Variants in ZNF716 observed in about 807,000 individuals in gnomAD.
ZNF716 encodes zinc finger protein 716.
ZNF716 carries 9 observed loss-of-function variants against 13.4 expected under a neutral mutation model. The observed-to-expected ratio is 0.67, with a 90% CI of 0.41 to 1.18. The LOEUF is 1.18. Among genes scored for constraint, ZNF716 ranks in the 50% most tolerant of loss-of-function variants. ZNF716 has a pLI of 0.01. For missense variants in ZNF716, 581 were observed against 576.6 expected (o/e 1.01, Z -0.08); for synonymous variants, 186 against 195.2 (o/e 0.95, Z 0.39).
rs1359857826 is a variant in ZNF716, at chr7:57,470,255, C to T, written c.*306C>T. 2.5e-5 allele frequency: 5 copies of T among 199,732 alleles called. No individual in the cohort carries two copies. The highest frequency in any genetic ancestry group is 9.5e-5 in the African/African-American group (4 of 42,216). The allele number at this position is 199,732 out of a possible 1,614,324, so 12.4% of individuals were successfully genotyped here. ...TGTCAGCTCACTGCAACCTCTGCCT[C>T]CTGGGTTCAAGCGATTCTCCTGCCT... is the stretch of plus-strand genomic sequence containing the variant. On this transcript the variant is annotated 3_prime_UTR_variant, in exon 4 of 4. Transcript: ENST00000420713.
chr7:57,452,117 C>CT (rs1554321642), intron 1 of ZNF716, among the ~76,000 whole-genome samples: 1 of 152,168 alleles, frequency 6.6e-6, no homozygotes, highest in African/African-American at 2.4e-5. Context: ...TTCTCACAGA[C>CT]TAACTCTGGC....
intron 1 of ZNF716, among the ~76,000 whole-genome samples, chr7:57,457,082 C>T (rs1375769810): frequency 6.6e-6 from 1 of 152,184 alleles, no homozygotes; most frequent in East Asian, 1.9e-4. Context: ...TCCACCACAG[C>T]ACTTATGCTT....
chr7:57,462,636 T>C (rs1554323352), intron 2 of ZNF716, 50 bp downstream of exon 2: 1 of 1,534,048 alleles, frequency 6.5e-7, no homozygotes, highest in African/African-American at 1.4e-5. Flanking sequence ...TTTCTCTCTT[T>C]TCTAAGATGA....
chr7:57,454,187 C>T (rs1789546124), intron 1 of ZNF716, among the ~76,000 whole-genome samples: 1 of 152,034 alleles, frequency 6.6e-6, no homozygotes, highest in South Asian at 2.1e-4. Flanking sequence ...GGACTGGGCA[C>T]CTTCTAGAAG....
At chr7:57,468,426 G>T (rs10247387) in intron 3 of ZNF716, among the ~76,000 whole-genome samples, 58,337 of 151,914 alleles carry the variant, frequency 0.38, 11,400 homozygotes, top group East Asian at 0.51. Flanking sequence ...TGTTCTTCTA[G>T]TGGGGATGAG....
rs1789522856 is a variant in ZNF716, at chr7:57,452,849, A to C, written c.39+2522A>C. On this transcript the variant is annotated intron_variant, in intron 1 of 3. Transcript: ENST00000420713. ...GTACTGCTTGGGGATAAACCAAGATACCTACTGTGGCCGTGTCTGCTGGAG... is the reference window on the plus strand; with the variant it reads ...GTACTGCTTGGGGATAAACCAAGATCCCTACTGTGGCCGTGTCTGCTGGAG... Among the ~76,000 whole-genome samples the C allele has an allele frequency of 2.6e-5, 4 of 151,994 alleles. No homozygotes were observed. In the South Asian group the frequency reaches 6.2e-4, roughly 24 times the overall value.
intron 3 of ZNF716, among the ~76,000 whole-genome samples, chr7:57,467,727 C>G (rs772481289): frequency 6.6e-6 from 1 of 151,818 alleles, no homozygotes; most frequent in Non-Finnish European, 1.5e-5. Flanking sequence ...TGTTTAGCTT[C>G]TTCATTAAAT....
chr7:57,464,122 C>CTTTTTTTTTTTTTT (rs71065117), intron 3 of ZNF716, among the ~76,000 whole-genome samples: 1 of 125,844 alleles, frequency 7.9e-6, no homozygotes. Flanking sequence ...TTTCTTTTTT[C>CTTTTTTTTTTTTTT]TTTTTTTTTT....
At chr7:57,452,809 T>C (rs1197408790) in intron 1 of ZNF716, among the ~76,000 whole-genome samples, 1 of 152,170 alleles carries the variant, frequency 6.6e-6, no homozygotes, top group Non-Finnish European at 1.5e-5. Context: ...AGGTTTTTCC[T>C]GGTTCTGGGT....
intron 3 of ZNF716, among the ~76,000 whole-genome samples, chr7:57,467,202 CT>C (rs1282849760): frequency 6.6e-6 from 1 of 151,950 alleles, no homozygotes; most frequent in Non-Finnish European, 1.5e-5. Flanking sequence ...CTAATTATAT[CT>C]TTTTATGTTT....
At chr7:57,467,791 C>T (rs782732755) in intron 3 of ZNF716, among the ~76,000 whole-genome samples, 2 of 150,880 alleles carry the variant, frequency 1.3e-5, no homozygotes, top group African/African-American at 4.9e-5. Context: ...TTATTCCAAG[C>T]TTTTGTTGAT....
At chr7:57,463,864 G>A (rs1311101605) in intron 3 of ZNF716, among the ~76,000 whole-genome samples, 1 of 151,694 alleles carries the variant, frequency 6.6e-6, no homozygotes, top group Non-Finnish European at 1.5e-5. Flanking sequence ...TTTTTATGAT[G>A]GCTGCGTCTT....
rs1213146620 is a variant in ZNF716, at chr7:57,472,302, CAA to C, written c.*2355_*2356del. 6.6e-6 allele frequency: 1 copy of C among 152,118 alleles called. No individual in the cohort carries two copies. Among genetic ancestry groups the C allele is most frequent in the African/African-American group, 2.4e-5 (1 of 41,422 alleles). The allele number at this position is 152,118 out of a possible 1,614,324, so 9.4% of individuals were successfully genotyped here. On this transcript the variant is annotated 3_prime_UTR_variant, in exon 4 of 4. Coordinates refer to ENST00000420713, the MANE Select transcript of ZNF716 (RefSeq NM_001159279.1). ...TTTATCAATTGTACCTTTATGTAAACAAAGTTGTTTTTAATGAGCTAAAACTA... is the reference window on the plus strand; with the variant it reads ...TTTATCAATTGTACCTTTATGTAAACAGTTGTTTTTAATGAGCTAAAACTA...
chr7:57,452,259 T>C (rs781968092), intron 1 of ZNF716, among the ~76,000 whole-genome samples: 4 of 152,166 alleles, frequency 2.6e-5, no homozygotes, highest in Non-Finnish European at 5.9e-5. Context: ...TTATTTTTTT[T>C]AAAAGCATTG....
At chr7:57,466,283 G>T (rs1554324110) in intron 3 of ZNF716, among the ~76,000 whole-genome samples, 5 of 151,962 alleles carry the variant, frequency 3.3e-5, no homozygotes, top group African/African-American at 1.2e-4. Flanking sequence ...TATTGACTGG[G>T]GAGTTCTGCA....
chr7:57,461,536 T>C (rs1214327146), intron 1 of ZNF716, among the ~76,000 whole-genome samples: 1 of 152,218 alleles, frequency 6.6e-6, no homozygotes, highest in Non-Finnish European at 1.5e-5. Flanking sequence ...AGCTGTCCTT[T>C]CTTTTTAGAT....
chr7:57,457,398 G>C (rs1193124100), intron 1 of ZNF716, among the ~76,000 whole-genome samples: 1 of 152,156 alleles, frequency 6.6e-6, no homozygotes, highest in Non-Finnish European at 1.5e-5. Flanking sequence ...AGGCTGGAGT[G>C]CAGTGGTGTG....
chr7:57,461,007 C>T (rs1263567387), intron 1 of ZNF716, among the ~76,000 whole-genome samples: 9 of 151,704 alleles, frequency 5.9e-5, no homozygotes, highest in African/African-American at 1.7e-4. Context: ...CAGTGGCTCA[C>T]GCTTGTAATC....
rs782044413 is a variant in ZNF716 at position 57,462,578 on chromosome 7, T to A, written c.158T>A (p.Val53Asp). ...ATGTTAGAGAACTACAGAAACCTGGTCTCCCTGGGTGAGGAAAACTTCAAT... is the reference window on the plus strand; with the variant it reads ...ATGTTAGAGAACTACAGAAACCTGGACTCCCTGGGTGAGGAAAACTTCAAT... ...DVMLENYRNL[V>D]SLGIAVSKPD... The change falls in exon 2 of 4, where the codon GTC (valine) becomes GAC (aspartate). Residue 53 changes from valine (V) to aspartate (D), a missense_variant. Physicochemically the swap from Val to Asp is radical, Grantham distance 152. Coordinates refer to ENST00000420713, the MANE Select transcript of ZNF716 (RefSeq NM_001159279.1). 1.2e-6 allele frequency: 2 copies of A among 1,609,802 alleles called. No homozygotes were observed. Among genetic ancestry groups the A allele is most frequent in the Non-Finnish European group, 1.7e-6 (2 of 1,178,284 alleles).
Sources: gnomAD v4.1 joint callset for allele counts (sites outside exome capture counted in the v4.1 genomes callset) on GRCh38, gnomAD v4.1.1 for gene constraint, MANE v1.5 for transcripts, NCBI Gene and HGNC (gene_info 2026-07-23, HGNC 2026-07-21) for gene names.